The following MAD1L1 variants were observed in gnomAD, a reference collection of about 807,000 sequenced individuals.
MAD1L1 encodes mitotic spindle assembly checkpoint protein MAD1.
A neutral mutation model predicts 96.9 loss-of-function variants in MAD1L1; 95 were observed. That is an observed-to-expected ratio of 0.98 (90% CI 0.83 to 1.16). The LOEUF is 1.16. Among genes scored for constraint, MAD1L1 ranks in the 50% most tolerant of loss-of-function variants. MAD1L1 has a pLI of 0.00. For missense variants in MAD1L1, 1,007 were observed against 954.4 expected (o/e 1.06, Z -0.73); for synonymous variants, 473 against 396.6 (o/e 1.19, Z -2.29).
At chr7:2,004,633 G>A (rs140193752) in intron 13 of MAD1L1, among the ~76,000 whole-genome samples, 22 of 152,318 alleles carry the variant, frequency 1.4e-4, no homozygotes, top group Non-Finnish European at 2.9e-4. Context: ...GGGTCCTGCC[G>A]AGGCCAGGCA....
intron 17 of MAD1L1, among the ~76,000 whole-genome samples, chr7:1,900,856 G>T (rs1470274813): frequency 2.6e-5 from 4 of 152,178 alleles, no homozygotes; most frequent in Non-Finnish European, 5.9e-5. Flanking sequence ...AAGTTCCGGG[G>T]CTCCAGGCTG....
chr7:2,127,028 C>G (rs750059699), intron 11 of MAD1L1, among the ~76,000 whole-genome samples: 1 of 152,230 alleles, frequency 6.6e-6, no homozygotes, highest in African/African-American at 2.4e-5. Flanking sequence ...TCCGAGGCCT[C>G]GTTCCCAGGG....
At position 2,091,507 on chromosome 7, in the gene MAD1L1, A is replaced by G. The variant is rs533474939; in HGVS notation, c.1074-22169T>C. On this transcript the variant is annotated intron_variant, in intron 11 of 18. Coordinates refer to ENST00000265854, the MANE Select transcript of MAD1L1 (RefSeq NM_001013836.2). ...CAAGATCCATCTGGCCGGACACGGT[A>G]GCTCACGCCTATGATCCCAGCACTT... Among the ~76,000 whole-genome samples, 15 of 152,358 alleles carry G rather than the reference A, an allele frequency of 9.8e-5. No individual in the cohort carries two copies. In the South Asian group the frequency reaches 1.5e-3, roughly 15 times the overall value.
chr7:2,056,898 C>A (rs993146516), intron 12 of MAD1L1, among the ~76,000 whole-genome samples: 3 of 152,212 alleles, frequency 2.0e-5, no homozygotes, highest in South Asian at 2.1e-4. Flanking sequence ...AGACGTGGCA[C>A]CTCGCCCCAC....
At chr7:2,179,522 C>A (rs1169176691) in intron 10 of MAD1L1, among the ~76,000 whole-genome samples, 8 of 146,662 alleles carry the variant, frequency 5.5e-5, no homozygotes, top group Non-Finnish European at 1.2e-4. Context: ...CAGCGAGACT[C>A]TGTCTCAAAA....
intron 13 of MAD1L1, among the ~76,000 whole-genome samples, chr7:2,005,605 A>T (rs1353310500): frequency 6.6e-6 from 1 of 152,148 alleles, no homozygotes; most frequent in Non-Finnish European, 1.5e-5. Flanking sequence ...GTTCGAGACC[A>T]GCCTGGACAA....
intron 18 of MAD1L1, among the ~76,000 whole-genome samples, chr7:1,830,289 C>A (rs1352396637): frequency 6.6e-6 from 1 of 152,144 alleles, no homozygotes; most frequent in Admixed American, 6.6e-5. Context: ...CCCAGCTACT[C>A]GGGAGGCTGA....
chr7:1,916,363 C>T (rs890060708), intron 17 of MAD1L1, among the ~76,000 whole-genome samples: 4 of 152,206 alleles, frequency 2.6e-5, no homozygotes, highest in Non-Finnish European at 4.4e-5. Flanking sequence ...ACCACCCAGA[C>T]GTCCCTCAGC....
chr7:1,847,720 C>G (rs746679452), intron 18 of MAD1L1: 8 of 470,086 alleles, frequency 1.7e-5, no homozygotes, highest in South Asian at 7.7e-5. Flanking sequence ...GGGTTCCCAT[C>G]GCTTCGGCGT....
At chr7:2,216,962 GC>G (rs1206297913) in intron 7 of MAD1L1, among the ~76,000 whole-genome samples, 1 of 152,138 alleles carries the variant, frequency 6.6e-6, no homozygotes, top group Non-Finnish European at 1.5e-5. Flanking sequence ...CGACCTCCCA[GC>G]CCTCCGCGTA....
intron 11 of MAD1L1, among the ~76,000 whole-genome samples, chr7:2,112,376 A>G (rs1482305428): frequency 6.6e-6 from 1 of 152,208 alleles, no homozygotes; most frequent in East Asian, 1.9e-4. Context: ...GGGAACCACA[A>G]ACAAAGAACA....
At chr7:2,010,817 C>T (rs1301842446) in intron 13 of MAD1L1, among the ~76,000 whole-genome samples, 2 of 152,234 alleles carry the variant, frequency 1.3e-5, no homozygotes, top group Non-Finnish European at 2.9e-5. Context: ...CGAGAGGCGC[C>T]TTCCCCAGGG....
Position 2,222,622 on chromosome 7 carries a change from T to G in MAD1L1, c.424A>C (p.Ser142Arg), listed in dbSNP as rs74886306. The change falls in exon 5 of 19, where the codon AGC becomes CGC. Residue 142 changes from serine to arginine, a missense_variant. Ser to Arg is a moderately radical substitution (Grantham distance 110). Transcript: ENST00000265854. ...TCCTCTTTCTCACGCAGCCTCTTGC[T>G]GGCAGCATCCAAGTTCTGCTGACAC... ...RQCQQNLDAA[S>R]KRLREKEDSL... 1 of 1,613,164 alleles carries G rather than the reference T, an allele frequency of 6.2e-7. No homozygotes were observed.
intron 18 of MAD1L1, among the ~76,000 whole-genome samples, chr7:1,838,291 T>C (rs1358001627): frequency 1.3e-5 from 2 of 152,132 alleles, no homozygotes; most frequent in African/African-American, 4.8e-5. Flanking sequence ...AAGCTCAAAG[T>C]TAAATTACCA....
intron 10 of MAD1L1, among the ~76,000 whole-genome samples, chr7:2,149,736 C>T (rs1637771): frequency 0.38 from 58,479 of 152,136 alleles, 12,389 homozygotes; most frequent in African/African-American, 0.55. Flanking sequence ...TTCACCGTTT[C>T]CATTTTTTAA....
At chr7:1,888,461 T>C (rs577950832) in intron 18 of MAD1L1, among the ~76,000 whole-genome samples, 47 of 149,986 alleles carry the variant, frequency 3.1e-4, no homozygotes, top group African/African-American at 9.4e-4. Flanking sequence ...TGCACGCATG[T>C]ATGTGGCTGC....
intron 18 of MAD1L1, among the ~76,000 whole-genome samples, chr7:1,850,225 C>T (rs1286932920): frequency 3.3e-5 from 5 of 152,116 alleles, no homozygotes; most frequent in African/African-American, 7.2e-5. Context: ...GGCAACAGGA[C>T]GGAACCGACA....
chr7:1,827,443 G>A (rs1480496630), intron 18 of MAD1L1, among the ~76,000 whole-genome samples: 1 of 138,102 alleles, frequency 7.2e-6, no homozygotes, highest in Non-Finnish European at 1.6e-5. Flanking sequence ...CGCGGGTGTG[G>A]GGTCCTCCCC....
At chr7:2,041,128 C>T (rs1783655007) in intron 12 of MAD1L1, among the ~76,000 whole-genome samples, 1 of 152,190 alleles carries the variant, frequency 6.6e-6, no homozygotes, top group Non-Finnish European at 1.5e-5. Context: ...TCGGAAAAAG[C>T]TCAAGGCTGT....
Sources: gnomAD v4.1 joint callset for allele counts (sites outside exome capture counted in the v4.1 genomes callset) on GRCh38, gnomAD v4.1.1 for gene constraint, MANE v1.5 for transcripts, NCBI Gene and HGNC (gene_info 2026-07-23, HGNC 2026-07-21) for gene names.